Variants in LIMD1 observed in about 807,000 individuals in gnomAD.
LIMD1 encodes LIM domain containing 1, also known as LIM domain-containing protein 1.
A neutral mutation model predicts 58.4 loss-of-function variants in LIMD1; 23 were observed. That is an observed-to-expected ratio of 0.39 (90% confidence interval 0.28 to 0.56). The LOEUF is 0.56. LIMD1 is among the 20% of genes least tolerant of loss of function. The pLI, the probability that LIMD1 is intolerant of heterozygous loss-of-function variation, is 0.57. For missense variants in LIMD1, 838 were observed against 855.5 expected (o/e 0.98, Z 0.25); for synonymous variants, 334 against 345.5 (o/e 0.97, Z 0.37).
chr3:45,629,707 G>A (rs942922432), intron 1 of LIMD1, among the ~76,000 whole-genome samples: 33 of 152,162 alleles, frequency 2.2e-4, no homozygotes, highest in African/African-American at 8.0e-4. Context: ...CAAGCAGCTG[G>A]ATGGCGAGAG....
At chr3:45,632,551 T>G (rs867719301) in intron 1 of LIMD1, 5 of 985,076 alleles carry the variant, frequency 5.1e-6, no homozygotes. Flanking sequence ...AGGAAGCAGG[T>G]GCCAGGTAAG....
At chr3:45,674,076 A>AT (rs911238446) in intron 6 of LIMD1, among the ~76,000 whole-genome samples, 1 of 152,128 alleles carries the variant, frequency 6.6e-6, no homozygotes, top group African/African-American at 2.4e-5. Context: ...TCTTTTCTTC[A>AT]TTTTTTAAAA....
At chr3:45,605,294 C>G (rs1701457435) in intron 1 of LIMD1, among the ~76,000 whole-genome samples, 1 of 152,260 alleles carries the variant, frequency 6.6e-6, no homozygotes, top group Non-Finnish European at 1.5e-5. Flanking sequence ...GCCAAGCGGC[C>G]TGGCATCCCA....
chr3:45,624,717 C>T (rs1332880433), intron 1 of LIMD1, among the ~76,000 whole-genome samples: 2 of 151,768 alleles, frequency 1.3e-5, no homozygotes, highest in Non-Finnish European at 2.9e-5. Context: ...AGCGAGACTC[C>T]GCCTCAAAAA....
chr3:45,615,064 A>G (rs148877333), intron 1 of LIMD1, among the ~76,000 whole-genome samples: 14 of 152,266 alleles, frequency 9.2e-5, no homozygotes, highest in African/African-American at 3.4e-4. Flanking sequence ...TGAAAACTAA[A>G]TTGACATAGG....
At chr3:45,603,344 C>A (rs2125648388) in intron 1 of LIMD1, among the ~76,000 whole-genome samples, 1 of 152,244 alleles carries the variant, frequency 6.6e-6, no homozygotes, top group Non-Finnish European at 1.5e-5. Flanking sequence ...GGCTAACCAG[C>A]CTCCTCCCAT....
intron 1 of LIMD1, among the ~76,000 whole-genome samples, chr3:45,615,721 A>G (rs1295510115): frequency 6.6e-6 from 1 of 151,146 alleles, no homozygotes; most frequent in African/African-American, 2.4e-5. Flanking sequence ...ACGCCTGTGT[A>G]CTCCAACCTG....
chr3:45,625,872 T>C (rs780129367), intron 1 of LIMD1, among the ~76,000 whole-genome samples: 10 of 152,240 alleles, frequency 6.6e-5, no homozygotes, highest in Non-Finnish European at 2.9e-5. Flanking sequence ...TATTCCATTA[T>C]AGTAGCACAA....
At chr3:45,646,621 T>G (rs1204832890) in intron 2 of LIMD1, among the ~76,000 whole-genome samples, 2 of 152,280 alleles carry the variant, frequency 1.3e-5, no homozygotes, top group East Asian at 3.9e-4. Flanking sequence ...AAGTTTAAAT[T>G]TATTTTAGTA....
intron 1 of LIMD1, chr3:45,635,938 G>A: frequency 4.1e-6 from 4 of 985,224 alleles, no homozygotes; most frequent in Non-Finnish European, 4.8e-6. Flanking sequence ...AGGGAAAGTG[G>A]GACCTAAAGT....
Position 45,668,323 on chromosome 3 carries a change from G to C in LIMD1, c.1608G>C (p.Arg536Ser), listed in dbSNP as rs776606791. 1.1e-5 allele frequency: 18 copies of C among 1,613,024 alleles called. No individual in the cohort carries two copies. The highest frequency in any genetic ancestry group is 2.2e-5 in the South Asian group (2 of 90,982). The change falls in exon 4 of 8, where the codon AGG becomes AGC. Residue 536 changes from arginine to serine, a missense_variant. Arg to Ser is a moderately radical substitution (Grantham distance 110). Coordinates refer to ENST00000273317, the MANE Select transcript of LIMD1 (RefSeq NM_014240.3). ...CTGGTTTCCAGCAGTCGGCTGACAGGTGTTTTCTTTGTGGACATCTGATCA... is the reference window on the plus strand; with the variant it reads ...CTGGTTTCCAGCAGTCGGCTGACAGCTGTTTTCTTTGTGGACATCTGATCA... ...LYSGFQQSAD[R>S]CFLCGHLIMD...
chr3:45,658,432 G>A (rs1400221779), intron 2 of LIMD1, among the ~76,000 whole-genome samples: 1 of 149,110 alleles, frequency 6.7e-6, no homozygotes, highest in African/African-American at 2.4e-5. Context: ...TTTTTTAAAT[G>A]ATCAGAGCAA....
intron 2 of LIMD1, among the ~76,000 whole-genome samples, chr3:45,648,802 G>C (rs1701932345): frequency 6.6e-6 from 1 of 151,880 alleles, no homozygotes; most frequent in African/African-American, 2.4e-5. Context: ...TGTGGGTTTT[G>C]ATTTGCATTT....
rs1422936092 is a variant in LIMD1 at position 45,682,796 on chromosome 3, A to G, written c.*5737A>G. 1 of 152,314 alleles carries G rather than the reference A, an allele frequency of 6.6e-6. No homozygotes were observed. The highest frequency in any genetic ancestry group is 1.5e-5 in the Non-Finnish European group (1 of 68,086). 9.4% of individuals were successfully genotyped at this position (152,314 alleles called of 1,614,324 possible). A position where few individuals can be genotyped will look rare whatever the true frequency, so the allele number is the denominator to read the frequency against. On this transcript the variant is annotated 3_prime_UTR_variant, in exon 8 of 8. Transcript: ENST00000273317. ...CAAAGCTACATAGTCAAAAAGCCAC[A>G]GGAGGCTGTGAGGAGAAGCTCACTG... is the stretch of plus-strand genomic sequence containing the variant.
At chr3:45,641,534 A>T (rs1181985656) in intron 2 of LIMD1, among the ~76,000 whole-genome samples, 1 of 149,760 alleles carries the variant, frequency 6.7e-6, no homozygotes, top group East Asian at 1.9e-4. Flanking sequence ...TTTTTTATAT[A>T]TATATAGCAT....
intron 1 of LIMD1, among the ~76,000 whole-genome samples, chr3:45,625,506 G>A (rs1701661375): frequency 6.6e-6 from 1 of 152,058 alleles, no homozygotes; most frequent in Admixed American, 6.5e-5. Flanking sequence ...CTGTGTGTGA[G>A]GCACTCAGCA....
intron 2 of LIMD1, among the ~76,000 whole-genome samples, chr3:45,640,823 G>A (rs536217726): frequency 6.6e-5 from 10 of 152,342 alleles, no homozygotes; most frequent in African/African-American, 2.4e-4. Flanking sequence ...GAAGGAATGA[G>A]GATTCGGATT....
intron 1 of LIMD1, among the ~76,000 whole-genome samples, chr3:45,614,878 A>G (rs1386032098): frequency 6.6e-6 from 1 of 151,746 alleles, no homozygotes; most frequent in African/African-American, 2.4e-5. Context: ...CTCTAGGGAT[A>G]ATCACTGTTA....
chr3:45,608,467 G>T (rs1701489217), intron 1 of LIMD1, among the ~76,000 whole-genome samples: 1 of 152,186 alleles, frequency 6.6e-6, no homozygotes, highest in Non-Finnish European at 1.5e-5. Flanking sequence ...GAGTGAAGAA[G>T]CCTGAGTTGG....
Sources: gnomAD v4.1 joint callset for allele counts (sites outside exome capture counted in the v4.1 genomes callset) on GRCh38, gnomAD v4.1.1 for gene constraint, MANE v1.5 for transcripts, NCBI Gene and HGNC (gene_info 2026-07-23, HGNC 2026-07-21) for gene names.